The following PCDHA11 variants were observed in gnomAD, a reference collection of about 807,000 sequenced individuals.
The protein encoded by PCDHA11 is protocadherin alpha 11, also known as protocadherin alpha-11.
A neutral mutation model predicts 70.3 loss-of-function variants in PCDHA11; 61 were observed. The observed-to-expected ratio is 0.87, with a 90% CI of 0.71 to 1.07. The LOEUF (loss-of-function observed/expected upper bound fraction) is 1.07. Ranked by LOEUF, PCDHA11 falls within the 50% of genes least tolerant of loss-of-function variation. PCDHA11 has a pLI of 0.00. For missense variants in PCDHA11, 1,324 were observed against 1,237.5 expected, an observed-to-expected ratio of 1.07 and a Z score of -1.05; for synonymous variants, 633 against 555.1, an observed-to-expected ratio of 1.14 and a Z score of -1.97.
chr5:140,870,970 G>A lies in PCDHA11; in HGVS notation c.1867G>A (p.Val623Met). The change falls in exon 1 of 4, where the codon GTG becomes ATG. Residue 623 changes from valine to methionine, a missense_variant. Transcript: ENST00000398640. ...GGGCGGCTCGCGCATCCCGTTCCGCGTGGGGCTGTACACGGGCGAGATAAG... is the reference window on the plus strand; with the variant it reads ...GGGCGGCTCGCGCATCCCGTTCCGCATGGGGCTGTACACGGGCGAGATAAG... Reference protein sequence around the residue: ...AAGGSRIPFRVGLYTGEISTT... With the variant: ...AAGGSRIPFRMGLYTGEISTT... The A allele has an allele frequency of 2.5e-6, 4 of 1,613,652 alleles. No homozygotes were observed. The highest frequency in any genetic ancestry group is 3.4e-6 in the Non-Finnish European group (4 of 1,179,890).
At chr5:140,967,844 G>A in intron 1 of PCDHA11, 1 of 1,614,178 alleles carries the variant, frequency 6.2e-7, no homozygotes, top group Non-Finnish European at 8.5e-7. Flanking sequence ...GGACGTGAAT[G>A]ACAATGCCCC....
chr5:140,969,221 C>T, intron 1 of PCDHA11: 2 of 1,614,158 alleles, frequency 1.2e-6, no homozygotes, highest in Non-Finnish European at 1.7e-6. Context: ...AGGACCAGGG[C>T]CTTCGGGAGC....
chr5:140,955,726 C>T (rs934215613), intron 1 of PCDHA11, among the ~76,000 whole-genome samples: 1 of 152,264 alleles, frequency 6.6e-6, no homozygotes, highest in East Asian at 1.9e-4. Context: ...ACCATTGAAT[C>T]TATAAATTAC....
chr5:140,988,363 C>T (rs782342714), intron 3 of PCDHA11, among the ~76,000 whole-genome samples: 25 of 152,132 alleles, frequency 1.6e-4, no homozygotes, highest in Admixed American at 4.6e-4. Context: ...CTTTTACTTT[C>T]TGGGGTTGTG....
chr5:140,964,139 A>G (rs1396740282), intron 1 of PCDHA11, among the ~76,000 whole-genome samples: 1 of 152,242 alleles, frequency 6.6e-6, no homozygotes, highest in Non-Finnish European at 1.5e-5. Flanking sequence ...TAAGGTTGGC[A>G]GGAGCCTCAG....
intron 1 of PCDHA11, chr5:140,875,679 A>T (rs1554167850): frequency 4.3e-6 from 7 of 1,613,916 alleles, no homozygotes; most frequent in Non-Finnish European, 8.5e-7. Context: ...TGGCGTCCAA[A>T]AGACACGGGG....
intron 1 of PCDHA11, chr5:140,877,160 C>G: frequency 6.2e-7 from 1 of 1,613,814 alleles, no homozygotes; most frequent in Non-Finnish European, 8.5e-7. Flanking sequence ...GACAACGCGC[C>G]GGCACTGCTG....
chr5:140,884,515 G>GCCTCTGATAAGCACAA, intron 1 of PCDHA11: 1 of 1,614,174 alleles, frequency 6.2e-7, no homozygotes. Flanking sequence ...GGAGTTGGTC[G>GCCTCTGATAAGCACAA]TACTCGCAGC....
intron 1 of PCDHA11, among the ~76,000 whole-genome samples, chr5:140,964,595 T>G (rs1233382494): frequency 6.6e-6 from 1 of 152,116 alleles, no homozygotes; most frequent in East Asian, 1.9e-4. Context: ...TCACTTTTCA[T>G]GACAACTTAC....
intron 1 of PCDHA11, among the ~76,000 whole-genome samples, chr5:140,936,094 T>C (rs2090766117): frequency 6.6e-6 from 1 of 152,116 alleles, no homozygotes; most frequent in South Asian, 2.1e-4. Flanking sequence ...GGTTTCACCA[T>C]GTTGGCCAGG....
At chr5:141,006,774 A>G (rs1435816376) in intron 3 of PCDHA11, among the ~76,000 whole-genome samples, 8 of 152,172 alleles carry the variant, frequency 5.3e-5, no homozygotes, top group Admixed American at 3.3e-4. Flanking sequence ...AGAATAGAGA[A>G]AAATGAATAA....
At chr5:140,882,658 G>T in intron 1 of PCDHA11, 4 of 1,614,148 alleles carry the variant, frequency 2.5e-6, no homozygotes, top group South Asian at 1.1e-5. Flanking sequence ...ACGACAACCC[G>T]CCCATATTCC....
At chr5:140,926,470 G>C (rs1244984672) in intron 1 of PCDHA11, 1 of 162,858 alleles carries the variant, frequency 6.1e-6, no homozygotes. Flanking sequence ...AGAAAACACC[G>C]TTTAAGGAGA....
chr5:140,937,812 T>A (rs930837901), intron 1 of PCDHA11, among the ~76,000 whole-genome samples: 3 of 150,742 alleles, frequency 2.0e-5, no homozygotes, highest in Non-Finnish European at 4.4e-5. Flanking sequence ...CTCGGGAAGC[T>A]GAGGCAGGAG....
At chr5:140,998,943 G>T (rs1366415632) in intron 3 of PCDHA11, among the ~76,000 whole-genome samples, 2 of 152,212 alleles carry the variant, frequency 1.3e-5, no homozygotes, top group African/African-American at 2.4e-5. Flanking sequence ...TGAAGAAACT[G>T]TAAGTCAATG....
chr5:140,937,527 G>A (rs1190290782), intron 1 of PCDHA11, among the ~76,000 whole-genome samples: 3 of 152,250 alleles, frequency 2.0e-5, no homozygotes, highest in Non-Finnish European at 4.4e-5. Flanking sequence ...TGAGGCAGGA[G>A]AATTGCTTGA....
intron 3 of PCDHA11, among the ~76,000 whole-genome samples, chr5:140,985,205 G>C (rs1554246849): frequency 6.6e-6 from 1 of 152,092 alleles, no homozygotes; most frequent in African/African-American, 2.4e-5. Flanking sequence ...CCAAAGTGTT[G>C]GGATTACAGG....
intron 1 of PCDHA11, among the ~76,000 whole-genome samples, chr5:140,905,788 G>T (rs1217429620): frequency 2.6e-5 from 4 of 152,046 alleles, no homozygotes; most frequent in Non-Finnish European, 4.4e-5. Flanking sequence ...ATTAGTCAGG[G>T]TTCTCTAGAG....
intron 1 of PCDHA11, chr5:140,884,397 T>C: frequency 6.2e-7 from 1 of 1,613,992 alleles, no homozygotes; most frequent in South Asian, 1.1e-5. Flanking sequence ...GTGTCCAGCC[T>C]GTTGGTGCTC....
Sources: allele counts gnomAD v4.1 joint callset (sites outside exome capture counted in the v4.1 genomes callset), GRCh38; gene constraint gnomAD v4.1.1; transcripts MANE v1.5; gene names NCBI Gene and HGNC (gene_info 2026-07-23, HGNC 2026-07-21).